IL2RB: variants seen among roughly 807,000 people sequenced by gnomAD.
IL2RB encodes the protein interleukin 2 receptor subunit beta, also known as interleukin-2 receptor subunit beta.
IL2RB carries 17 observed loss-of-function variants against 44.2 expected under a neutral mutation model. The ratio of observed to expected loss-of-function variants is 0.38; its 90% CI spans 0.26 to 0.58. The LOEUF (loss-of-function observed/expected upper bound fraction) is 0.58, where lower values mean the gene tolerates loss of function less well. Among genes scored for constraint, IL2RB ranks in the 20% least tolerant of loss-of-function variants. The probability of loss-of-function intolerance (pLI) is 0.63; values close to 1 mark genes in which losing one functional copy is unlikely to be tolerated. For synonymous variants in IL2RB, 286 were observed against 297.9 expected (o/e 0.96, Z 0.41); for missense variants, 624 against 685.5 (o/e 0.91, Z 1.00).
chr22:37,137,317 G>T (rs1022482149), intron 6 of IL2RB, among the ~76,000 whole-genome samples: 29 of 152,252 alleles, frequency 1.9e-4, no homozygotes, highest in African/African-American at 6.8e-4. Context: ...AGCCCATGGG[G>T]CTGGGCAGCT....
intron 1 of IL2RB, among the ~76,000 whole-genome samples, chr22:37,149,519 C>T (rs951184299): frequency 7.2e-5 from 11 of 152,196 alleles, no homozygotes; most frequent in East Asian, 3.9e-4. Context: ...TCCACCTCTC[C>T]GGGTTGGGGG....
At chr22:37,146,774 T>C (rs746129763) in intron 1 of IL2RB, among the ~76,000 whole-genome samples, 1 of 151,122 alleles carries the variant, frequency 6.6e-6, no homozygotes, top group Non-Finnish European at 1.5e-5. Flanking sequence ...GCTCAATAAA[T>C]GTAGTGAAAT....
chr22:37,163,663 C>T (rs372081302), intron 1 of IL2RB, among the ~76,000 whole-genome samples: 5 of 151,376 alleles, frequency 3.3e-5, no homozygotes, highest in East Asian at 3.9e-4. Context: ...ATGCCTTATA[C>T]CCCCGCCCTG....
intron 1 of IL2RB, among the ~76,000 whole-genome samples, chr22:37,155,387 C>G (rs1922643944): frequency 6.6e-6 from 1 of 152,236 alleles, no homozygotes. Flanking sequence ...CCCCATCATA[C>G]ACACTCAAAC....
At chr22:37,172,690 C>G (rs959838904) in intron 1 of IL2RB, among the ~76,000 whole-genome samples, 6 of 152,242 alleles carry the variant, frequency 3.9e-5, no homozygotes, top group African/African-American at 1.4e-4. Flanking sequence ...TAGAAATTGG[C>G]AAACTGCAAC....
chr22:37,171,175 GT>G (rs2145744067), intron 1 of IL2RB, among the ~76,000 whole-genome samples: 1 of 152,212 alleles, frequency 6.6e-6, no homozygotes, highest in South Asian at 2.1e-4. Flanking sequence ...TAAAGACAGG[GT>G]TTCACCATGC....
chr22:37,147,343 A>G (rs1201227672), intron 1 of IL2RB, among the ~76,000 whole-genome samples: 2 of 152,242 alleles, frequency 1.3e-5, no homozygotes, highest in Non-Finnish European at 2.9e-5. Flanking sequence ...CAGACTGCCC[A>G]GTGCCCAGGC....
At position 37,160,588 on chromosome 22, in the gene IL2RB, T is replaced by G. The variant is rs551614445; in HGVS notation, c.-34+14370A>C. ...TTGCAAAAGAAGCTAAAATTGGTAT[T>G]TTTAAAAACGTGAAAGGCCAAGGCG... On this transcript the variant is annotated intron_variant, in intron 1 of 5. Coordinates refer to the IL2RB transcript ENST00000429622. Among the ~76,000 whole-genome samples the G allele has an allele frequency of 5.3e-5, 8 of 152,120 alleles. No homozygotes were observed. The East Asian group carries it at 1.5e-3, about 29-fold the overall frequency.
At chr22:37,130,022 C>T (rs912231331) in intron 9 of IL2RB, among the ~76,000 whole-genome samples, 10 of 151,178 alleles carry the variant, frequency 6.6e-5, no homozygotes, top group African/African-American at 2.0e-4. Flanking sequence ...CCAGCTGCTC[C>T]GCAGACACAC....
At chr22:37,172,446 C>T (rs967261272) in intron 1 of IL2RB, among the ~76,000 whole-genome samples, 2 of 152,126 alleles carry the variant, frequency 1.3e-5, no homozygotes, top group African/African-American at 2.4e-5. Flanking sequence ...TTGGGGCCTC[C>T]CTTGGAGCCG....
Position 37,128,703 on chromosome 22 carries a change from C to G in IL2RB, c.1049G>C (p.Ser350Thr). Reference sequence around the variant, plus strand: ...GCAGCTGGTCAGCGAGTGGTTGCTGCTTAAGGATGCGGGCTCAGGCACCTT... The same window carrying G: ...GCAGCTGGTCAGCGAGTGGTTGCTGGTTAAGGATGCGGGCTCAGGCACCTT... Reference protein sequence around the residue: ...QDKVPEPASLSSNHSLTSCFT... With the variant: ...QDKVPEPASLTSNHSLTSCFT... The change falls in exon 10 of 10, where the codon AGC becomes ACC. Residue 350 changes from serine to threonine, a missense_variant. Physicochemically the swap from Ser to Thr is moderately conservative, Grantham distance 58. Around this residue, in one of 3 missense-constraint regions of IL2RB, gnomAD observed 291 missense variants for 275.5 expected, o/e 1.06. Coordinates refer to ENST00000216223, the MANE Select transcript of IL2RB (RefSeq NM_000878.5). The surrounding 1 kb of genome is among the most constrained non-coding windows in gnomAD (Gnocchi z 4.5). 1 of 1,614,156 alleles carries G rather than the reference C, an allele frequency of 6.2e-7. No homozygotes were observed.
upstream of IL2RB, chr22:37,150,086 GCACACACA>G (rs746303210): frequency 0.16 from 21,497 of 138,272 alleles, 1,725 homozygotes; most frequent in Non-Finnish European, 0.2. Flanking sequence ...GCTGGGGGCG[GCACACACA>G]CACACACACA....
At chr22:37,145,334 T>C (rs1922172625) in intron 1 of IL2RB, among the ~76,000 whole-genome samples, 1 of 152,106 alleles carries the variant, frequency 6.6e-6, no homozygotes, top group Non-Finnish European at 1.5e-5. Context: ...GAAAGAGACA[T>C]GAAATCTCTA....
In IL2RB at chr22:37,165,886, A is replaced by G. The variant is rs901905710; in HGVS notation, c.-34+9072T>C. Among the ~76,000 whole-genome samples the G allele has an allele frequency of 8.5e-5, 13 of 152,130 alleles. No individual in the cohort carries two copies. In the South Asian group the frequency reaches 1.0e-3, roughly 12 times the overall value. On this transcript the variant is annotated intron_variant, in intron 1 of 5. Coordinates refer to the IL2RB transcript ENST00000429622. Reference sequence around the variant, plus strand: ...ACCGTCCACAACTCCCCTCTACAGCATCTCCTCAAGAGGGCCAGACTCCCC... The same window carrying G: ...ACCGTCCACAACTCCCCTCTACAGCGTCTCCTCAAGAGGGCCAGACTCCCC...
chr22:37,127,779 G>A lies in IL2RB; in HGVS notation c.*317C>T. The stretch of plus-strand genomic sequence containing the variant: ...CCGCGAGGACTGATATTGGTGAATA[G>A]CTGCAGGGCTGGAGAGGAGCGATGC... On this transcript the variant is annotated 3_prime_UTR_variant, in exon 10 of 10. Transcript: ENST00000216223. 4.3e-6 allele frequency: 1 copy of A among 232,852 alleles called. No homozygotes were observed. The highest frequency in any genetic ancestry group is 8.3e-6 in the Non-Finnish European group (1 of 120,686). 14.4% of individuals were successfully genotyped at this position (232,852 alleles called of 1,614,324 possible). A position where few individuals can be genotyped will look rare whatever the true frequency, so the allele number is the denominator to read the frequency against.
chr22:37,170,076 AGAAGGAAGGAAGAATGGATGGAT>A (rs1569056294), intron 1 of IL2RB, among the ~76,000 whole-genome samples: 3,500 of 15,758 alleles, frequency 0.22, 169 homozygotes, highest in African/African-American at 0.24. Context: ...AGGATGGGGG[AGAAGGAAGGAAGAATGGATGGAT>A]GGATGGATGG....
At position 37,128,300 on chromosome 22, in the gene IL2RB, A is replaced by G; in HGVS notation, c.1452T>C (p.Asp484=). 1 of 1,496,106 alleles carries G rather than the reference A, an allele frequency of 6.7e-7. No homozygotes were observed. The highest frequency in any genetic ancestry group is 8.9e-7 in the Non-Finnish European group (1 of 1,123,176). 92.7% of individuals were successfully genotyped at this position (1,496,106 alleles called of 1,614,324 possible). The part of the protein sequence containing the change: ...PPTPGVPDLV[D]FQPPPELVLR... Reference sequence around the variant, plus strand: ...GCACCAGCTCAGGGGGTGGCTGAAAATCCACCAGGTCTGGGACTCCTGGGG... The same window carrying G: ...GCACCAGCTCAGGGGGTGGCTGAAAGTCCACCAGGTCTGGGACTCCTGGGG... Residue 484 remains aspartate (D), a synonymous_variant, in exon 10 of 10, where the codon GAT becomes GAC. Coordinates refer to ENST00000216223, the MANE Select transcript of IL2RB (RefSeq NM_000878.5). The surrounding 1 kb of genome is among the most constrained non-coding windows in gnomAD (Gnocchi z 4.5).
chr22:37,165,091 G>C (rs943396081), intron 1 of IL2RB, among the ~76,000 whole-genome samples: 20 of 152,326 alleles, frequency 1.3e-4, no homozygotes, highest in African/African-American at 4.8e-4. Flanking sequence ...TGCAGACTAG[G>C]ACTCTTATCC....
chr22:37,159,230 C>A (rs570014265), intron 1 of IL2RB, among the ~76,000 whole-genome samples: 2 of 152,084 alleles, frequency 1.3e-5, no homozygotes, highest in African/African-American at 4.8e-5. Flanking sequence ...GTAACACTTG[C>A]TTGCTTTTTT....
Sources: gnomAD v4.1 joint callset for allele counts (sites outside exome capture counted in the v4.1 genomes callset) on GRCh38, gnomAD v4.1.1 for gene constraint, gnomAD v4.1.1 regional missense constraint, Gnocchi (gnomAD v3.1) non-coding constraint, MANE v1.5 for transcripts, NCBI Gene and HGNC (gene_info 2026-07-23, HGNC 2026-07-21) for gene names.